PAPOLA: variants seen among roughly 807,000 people sequenced by gnomAD.
PAPOLA encodes the protein polynucleotide adenylyltransferase alpha.
Under a neutral mutation model 100.6 loss-of-function variants are expected in PAPOLA, and 15 were observed. The observed-to-expected ratio is 0.15, with a 90% CI of 0.10 to 0.23. PAPOLA has a LOEUF of 0.23. PAPOLA is among the 10% of genes least tolerant of loss of function. The probability of loss-of-function intolerance (pLI) is 1.00; values close to 1 mark genes in which losing one functional copy is unlikely to be tolerated. For synonymous variants in PAPOLA, 293 were observed against 300.0 expected, an observed-to-expected ratio of 0.98 and a Z score of 0.24; for missense variants, 533 against 884.2, an observed-to-expected ratio of 0.60 and a Z score of 5.04.
At position 96,532,156 on chromosome 14, in the gene PAPOLA, G is replaced by C. The variant is rs1899076588; in HGVS notation, c.608-175G>C. The C allele has an allele frequency of 3.6e-5, 50 of 1,385,814 alleles. No homozygotes were observed. Among genetic ancestry groups the C allele is most frequent in the Non-Finnish European group, 4.6e-5 (50 of 1,078,572 alleles). The allele number at this position is 1,385,814 out of a possible 1,614,324, so 85.8% of individuals were successfully genotyped here. On this transcript the variant is annotated intron_variant, in intron 7 of 21. Coordinates refer to ENST00000216277, the MANE Select transcript of PAPOLA (RefSeq NM_032632.5). ...TTTAGATTTTTTCCCCCTCTTTATT[G>C]AATTAGCTTTACTGGTTCTACCAAA...
Position 96,502,551 on chromosome 14 carries a change from T to A in PAPOLA, c.-42T>A. 1 of 1,488,482 alleles carries A rather than the reference T, an allele frequency of 6.7e-7. No individual in the cohort carries two copies. The highest frequency in any genetic ancestry group is 9.1e-7 in the Non-Finnish European group (1 of 1,097,920). 92.2% of individuals were successfully genotyped at this position (1,488,482 alleles called of 1,614,324 possible). On this transcript the variant is annotated 5_prime_UTR_variant, in exon 1 of 22. In the 5' UTR this introduces an upstream ATG that the reference lacks. Coordinates refer to ENST00000216277, the MANE Select transcript of PAPOLA (RefSeq NM_032632.5). ...ATGCCCAGGGCGGCAGCGGCGGCGG[T>A]TGCGGGGGGGAAGTGACTGGGCGGT... is the stretch of plus-strand genomic sequence containing the variant.
At chr14:96,551,034 G>T (rs1482012166) in intron 16 of PAPOLA, among the ~76,000 whole-genome samples, 1 of 152,162 alleles carries the variant, frequency 6.6e-6, no homozygotes, top group African/African-American at 2.4e-5. Context: ...GTATGTGTGT[G>T]TGTTTCTTTC....
At position 96,544,256 on chromosome 14, in the gene PAPOLA, C is replaced by T; in HGVS notation, c.1397C>T (p.Thr466Ile). The T allele has an allele frequency of 1.4e-6, 2 of 1,423,518 alleles. No homozygotes were observed. Among genetic ancestry groups the T allele is most frequent in the Non-Finnish European group, 2.0e-6 (2 of 1,008,556 alleles). The allele number at this position is 1,423,518 out of a possible 1,614,324, so 88.2% of individuals were successfully genotyped here. A position where few individuals can be genotyped will look rare whatever the true frequency, so the allele number is the denominator to read the frequency against. ...LTYDIQSFTD[T>I]VYRQAINSKM... ...TATGATATTCAGTCTTTCACAGATA[C>T]AGGTATGTCTTTACTTGGATAATCA... is the stretch of plus-strand genomic sequence containing the variant. Residue 466 changes from threonine (T) to isoleucine (I), a missense_variant and splice_region_variant, in exon 15 of 22, where the codon ACA (threonine) becomes ATA (isoleucine). Transcript: ENST00000216277.
intron 16 of PAPOLA, among the ~76,000 whole-genome samples, chr14:96,550,505 T>C (rs1900760386): frequency 6.6e-6 from 1 of 152,218 alleles, no homozygotes; most frequent in Non-Finnish European, 1.5e-5. Flanking sequence ...AAAAATTCTA[T>C]CAGATGAAGT....
intron 16 of PAPOLA, among the ~76,000 whole-genome samples, chr14:96,550,506 C>T (rs546986377): frequency 6.6e-6 from 1 of 152,240 alleles, no homozygotes; most frequent in African/African-American, 2.4e-5. Context: ...AAAATTCTAT[C>T]AGATGAAGTA....
chr14:96,519,429 G>T (rs1035176231), intron 1 of PAPOLA, among the ~76,000 whole-genome samples: 1 of 152,102 alleles, frequency 6.6e-6, no homozygotes, highest in Non-Finnish European at 1.5e-5. Context: ...AGCATGCTAT[G>T]CCTTTTTACA....
chr14:96,532,722 C>G, intron 9 of PAPOLA, 73 bp downstream of exon 9: 1 of 1,459,440 alleles, frequency 6.9e-7, no homozygotes, highest in Non-Finnish European at 9.0e-7. Context: ...TATGACATTT[C>G]TCAGCTTGGT....
rs1405233790 is a variant in PAPOLA, at chr14:96,506,102, C to T, written c.8+3502C>T. The stretch of plus-strand genomic sequence containing the variant: ...TATTTTTAGTAGAGACGAGGTTTCA[C>T]CATGTTGGCCAGGATGGTCTCGATT... On this transcript the variant is annotated intron_variant, in intron 1 of 21. Transcript: ENST00000216277. 2.6e-5 allele frequency among the ~76,000 whole-genome samples: 4 copies of T among 152,276 alleles called. No homozygotes were observed. In the East Asian group the frequency reaches 7.7e-4, roughly 29 times the overall value.
chr14:96,552,229 C>T (rs1403636522), intron 16 of PAPOLA, among the ~76,000 whole-genome samples: 1 of 152,086 alleles, frequency 6.6e-6, no homozygotes, highest in African/African-American at 2.4e-5. Flanking sequence ...TCAGTATGTA[C>T]ATTTAATACG....
chr14:96,565,142 C>T lies in PAPOLA; in HGVS notation c.*92C>T. ...GGAGAATGGAGGGTACAAGACTAGA[C>T]ATGACTGAAATGGATTTGGGTTTTT... is the stretch of plus-strand genomic sequence containing the variant. On this transcript the variant is annotated 3_prime_UTR_variant, in exon 22 of 22. Coordinates refer to ENST00000216277, the MANE Select transcript of PAPOLA (RefSeq NM_032632.5). The T allele has an allele frequency of 2.7e-6, 2 of 750,940 alleles. No individual in the cohort carries two copies. Among genetic ancestry groups the T allele is most frequent in the Non-Finnish European group, 4.8e-6 (2 of 419,498 alleles). 46.5% of individuals were successfully genotyped at this position (750,940 alleles called of 1,614,324 possible).
At chr14:96,543,028 A>C in intron 14 of PAPOLA, 135 bp downstream of exon 14, 1 of 908,572 alleles carries the variant, frequency 1.1e-6, no homozygotes, top group South Asian at 1.7e-5. Flanking sequence ...AGAACTTATA[A>C]TTTAGTTTTT....
At chr14:96,540,288 C>T (rs73351201) in intron 12 of PAPOLA, among the ~76,000 whole-genome samples, 2,537 of 152,272 alleles carry the variant, frequency 0.017, 71 homozygotes, top group African/African-American at 0.058. Context: ...GGAGTTTTGT[C>T]CCTGCCCTTA....
intron 1 of PAPOLA, among the ~76,000 whole-genome samples, chr14:96,510,363 A>G (rs1220195456): frequency 2.0e-5 from 3 of 146,476 alleles, no homozygotes; most frequent in Non-Finnish European, 4.5e-5. Flanking sequence ...TTAAATTTAC[A>G]TTTCTTTCAT....
chr14:96,540,735 C>T (rs1333576808), intron 12 of PAPOLA, among the ~76,000 whole-genome samples: 2 of 152,152 alleles, frequency 1.3e-5, no homozygotes, highest in Non-Finnish European at 2.9e-5. Flanking sequence ...ATATCTATCT[C>T]TGTTACCTTG....
intron 19 of PAPOLA, among the ~76,000 whole-genome samples, chr14:96,559,583 A>T (rs4017754): frequency 9.7e-6 from 1 of 102,744 alleles, no homozygotes; most frequent in East Asian, 3.1e-4. Flanking sequence ...CTCTCTCTCT[A>T]TATATATATA....
intron 12 of PAPOLA, among the ~76,000 whole-genome samples, chr14:96,540,616 A>C (rs986657939): frequency 5.3e-5 from 8 of 152,238 alleles, no homozygotes; most frequent in South Asian, 4.1e-4. Flanking sequence ...TTGCTCATGT[A>C]TTTGACATAT....
At chr14:96,556,935 G>T (rs1429798179) in intron 19 of PAPOLA, among the ~76,000 whole-genome samples, 1 of 152,204 alleles carries the variant, frequency 6.6e-6, no homozygotes, top group Non-Finnish European at 1.5e-5. Context: ...AACCCTTAAA[G>T]AAACTTTCTA....
At chr14:96,513,643 A>G (rs1897248662) in intron 1 of PAPOLA, among the ~76,000 whole-genome samples, 1 of 152,058 alleles carries the variant, frequency 6.6e-6, no homozygotes, top group Admixed American at 6.6e-5. Context: ...CCAACATTGG[A>G]GGTTTTTTGT....
At chr14:96,529,062 A>G (rs1043366189) in intron 6 of PAPOLA, among the ~76,000 whole-genome samples, 1 of 152,224 alleles carries the variant, frequency 6.6e-6, no homozygotes, top group Admixed American at 6.5e-5. Context: ...GGAAAGTTAG[A>G]TGGCTACTTA....
Sources: allele counts gnomAD v4.1 joint callset (sites outside exome capture counted in the v4.1 genomes callset), GRCh38; gene constraint gnomAD v4.1.1; transcripts MANE v1.5; gene names NCBI Gene and HGNC (gene_info 2026-07-23, HGNC 2026-07-21).